Variants in PTCHD4 observed in about 807,000 individuals in gnomAD.
PTCHD4 encodes patched domain-containing protein 4.
Under a neutral mutation model 58.1 loss-of-function variants are expected in PTCHD4, and 33 were observed. The ratio of observed to expected loss-of-function variants is 0.57; its 90% CI spans 0.43 to 0.76. The LOEUF (loss-of-function observed/expected upper bound fraction) is 0.76, where lower values mean the gene tolerates loss of function less well. PTCHD4 is among the 30% of genes least tolerant of loss of function. The pLI is 0.00. For synonymous variants in PTCHD4, 478 were observed against 409.6 expected (o/e 1.17, Z -2.02); for missense variants, 1,058 against 1,027.1 (o/e 1.03, Z -0.41).
intron 4 of PTCHD4, among the ~76,000 whole-genome samples, chr6:47,931,492 T>C (rs1376333957): frequency 1.3e-5 from 2 of 152,132 alleles, no homozygotes; most frequent in Non-Finnish European, 2.9e-5. Flanking sequence ...ATTAAATGCA[T>C]GAATAAAGGA....
At chr6:48,091,753 C>T (rs1582130408) in intron 1 of PTCHD4, among the ~76,000 whole-genome samples, 2 of 151,748 alleles carry the variant, frequency 1.3e-5, no homozygotes, top group East Asian at 1.9e-4. Flanking sequence ...TCAAGTGAGT[C>T]TCCTGCCTTA....
At chr6:48,035,171 A>T (rs891267028) in intron 3 of PTCHD4, among the ~76,000 whole-genome samples, 2 of 152,138 alleles carry the variant, frequency 1.3e-5, no homozygotes, top group African/African-American at 4.8e-5. Flanking sequence ...ACATTGAAAT[A>T]TTATGATTTT....
chr6:48,025,792 A>G (rs187198871), intron 3 of PTCHD4, among the ~76,000 whole-genome samples: 1 of 152,300 alleles, frequency 6.6e-6, no homozygotes, highest in Admixed American at 6.5e-5. Flanking sequence ...CCCCAAAATA[A>G]CACTTTCTCA....
At chr6:48,016,146 C>G (rs1034813225) in intron 3 of PTCHD4, among the ~76,000 whole-genome samples, 2 of 151,958 alleles carry the variant, frequency 1.3e-5, no homozygotes, top group East Asian at 3.9e-4. Flanking sequence ...AGTCAACAGA[C>G]AGGGGGACTT....
intron 3 of PTCHD4, among the ~76,000 whole-genome samples, chr6:48,033,423 G>A (rs528314893): frequency 6.6e-6 from 1 of 151,398 alleles, no homozygotes; most frequent in African/African-American, 2.4e-5. Flanking sequence ...GTGAGCATCT[G>A]CCTCCATCCA....
chr6:48,078,695 C>T (rs1452126552), intron 1 of PTCHD4, among the ~76,000 whole-genome samples: 1 of 151,882 alleles, frequency 6.6e-6, no homozygotes, highest in Non-Finnish European at 1.5e-5. Context: ...TCCTTTTTTA[C>T]CTTTCTCTCA....
intron 3 of PTCHD4, among the ~76,000 whole-genome samples, chr6:48,059,277 GT>G (rs1411072461): frequency 1.3e-5 from 2 of 152,104 alleles, no homozygotes; most frequent in Non-Finnish European, 2.9e-5. Context: ...ACTGCCTAAG[GT>G]ATTATGAGCT....
At chr6:47,950,274 A>G (rs535946898) in intron 4 of PTCHD4, among the ~76,000 whole-genome samples, 1 of 152,238 alleles carries the variant, frequency 6.6e-6, no homozygotes, top group South Asian at 2.1e-4. Context: ...AATATAAATT[A>G]CACCTTAAAG....
At chr6:48,075,322 C>T (rs1030986996) in intron 1 of PTCHD4, among the ~76,000 whole-genome samples, 2 of 152,194 alleles carry the variant, frequency 1.3e-5, no homozygotes, top group Non-Finnish European at 1.5e-5. Flanking sequence ...TAGACACTCA[C>T]TTTTGTCCCA....
chr6:48,027,233 T>A (rs1371971418), intron 3 of PTCHD4, among the ~76,000 whole-genome samples: 1 of 152,146 alleles, frequency 6.6e-6, no homozygotes, highest in African/African-American at 2.4e-5. Flanking sequence ...TAAGTGCTTA[T>A]TATAAATAAA....
chr6:48,085,977 C>T (rs952793386), intron 1 of PTCHD4, among the ~76,000 whole-genome samples: 8 of 151,714 alleles, frequency 5.3e-5, no homozygotes, highest in South Asian at 2.1e-4. Context: ...AAGACTGCAA[C>T]GTTCAGAGTC....
At chr6:48,016,348 G>A in intron 3 of PTCHD4, among the ~76,000 whole-genome samples, 1 of 151,976 alleles carries the variant, frequency 6.6e-6, no homozygotes, top group East Asian at 1.9e-4. Flanking sequence ...CCATTGATGA[G>A]TTTTAAGCAA....
At chr6:47,960,773 T>C (rs1473109793) in intron 4 of PTCHD4, among the ~76,000 whole-genome samples, 1 of 151,816 alleles carries the variant, frequency 6.6e-6, no homozygotes, top group Non-Finnish European at 1.5e-5. Flanking sequence ...ATTTACCTAA[T>C]AACAGAGCTT....
At chr6:47,953,564 A>G (rs1427382373) in intron 4 of PTCHD4, among the ~76,000 whole-genome samples, 1 of 152,188 alleles carries the variant, frequency 6.6e-6, no homozygotes, top group Non-Finnish European at 1.5e-5. Context: ...GTTAAAATCA[A>G]CATAGTCACT....
chr6:47,892,221 G>A (rs1764402677), intron 4 of PTCHD4, among the ~76,000 whole-genome samples: 2 of 151,968 alleles, frequency 1.3e-5, no homozygotes, highest in South Asian at 4.2e-4. Flanking sequence ...ATCTTACAAT[G>A]GTCAAGAGGA....
At chr6:48,091,813 T>A (rs1270292529) in intron 1 of PTCHD4, among the ~76,000 whole-genome samples, 2 of 151,080 alleles carry the variant, frequency 1.3e-5, no homozygotes, top group East Asian at 3.9e-4. Context: ...GCCCAGCTAA[T>A]TTTTTTTTGT....
At chr6:47,902,343 T>C (rs1192248090) in intron 4 of PTCHD4, among the ~76,000 whole-genome samples, 1 of 152,128 alleles carries the variant, frequency 6.6e-6, no homozygotes, top group Non-Finnish European at 1.5e-5. Context: ...AAGGCATATA[T>C]TCAAGAAATA....
At chr6:48,101,658 C>A (rs902617128) in intron 1 of PTCHD4, among the ~76,000 whole-genome samples, 2 of 152,150 alleles carry the variant, frequency 1.3e-5, no homozygotes, top group African/African-American at 4.8e-5. Flanking sequence ...CCTGTTCATT[C>A]ATTTACTAGA....
At chr6:47,945,644 A>G (rs1364771610) in intron 4 of PTCHD4, among the ~76,000 whole-genome samples, 1 of 151,988 alleles carries the variant, frequency 6.6e-6, no homozygotes, top group Non-Finnish European at 1.5e-5. Context: ...ATCAGGTTGA[A>G]TGATGAAGCT....
Sources: gnomAD v4.1 joint callset for allele counts (sites outside exome capture counted in the v4.1 genomes callset) on GRCh38, gnomAD v4.1.1 for gene constraint, MANE v1.5 for transcripts, NCBI Gene and HGNC (gene_info 2026-07-23, HGNC 2026-07-21) for gene names.